CHL1: variants seen among roughly 807,000 people sequenced by gnomAD.
CHL1 encodes the protein neural cell adhesion molecule L1-like protein.
A neutral mutation model predicts 141.9 loss-of-function variants in CHL1; 96 were observed. The observed-to-expected ratio is 0.68, with a 90% CI of 0.57 to 0.80. The LOEUF (loss-of-function observed/expected upper bound fraction) is 0.80, where lower values mean the gene tolerates loss of function less well. Ranked by LOEUF, CHL1 falls within the 30% of genes least tolerant of loss-of-function variation. CHL1 has a pLI of 0.00. For synonymous variants in CHL1, 613 were observed against 502.2 expected, an observed-to-expected ratio of 1.22 and a Z score of -2.95; for missense variants, 1,820 against 1,457.2, an observed-to-expected ratio of 1.25 and a Z score of -4.05.
At chr3:250,005 C>T (rs1334838433) in intron 2 of CHL1, among the ~76,000 whole-genome samples, 1 of 151,776 alleles carries the variant, frequency 6.6e-6, no homozygotes, top group Non-Finnish European at 1.5e-5. Flanking sequence ...CTCACTCTGT[C>T]ACCCAGGTTG....
intron 5 of CHL1, among the ~76,000 whole-genome samples, chr3:339,920 A>T (rs1282014739): frequency 6.6e-6 from 1 of 152,186 alleles, no homozygotes; most frequent in Non-Finnish European, 1.5e-5. Context: ...CCTTCCTAAG[A>T]TCCTTCTCCT....
chr3:242,344 C>G (rs187341935), intron 1 of CHL1, among the ~76,000 whole-genome samples: 1 of 149,652 alleles, frequency 6.7e-6, no homozygotes, highest in Non-Finnish European at 1.5e-5. Flanking sequence ...CGCCTGTAAT[C>G]CCAGCACTTT....
intron 1 of CHL1, among the ~76,000 whole-genome samples, chr3:235,930 C>T (rs1446624178): frequency 6.6e-6 from 1 of 152,130 alleles, no homozygotes; most frequent in African/African-American, 2.4e-5. Context: ...AGAAGAGGGC[C>T]TCTGGCTTCT....
chr3:357,355 A>G (rs1703811413), intron 11 of CHL1, among the ~76,000 whole-genome samples: 1 of 152,248 alleles, frequency 6.6e-6, no homozygotes, highest in African/African-American at 2.4e-5. Context: ...TTTCAAAATT[A>G]AATCAAAATG....
At position 338,309 on chromosome 3, in the gene CHL1, A is replaced by G. The variant is rs1702092581; in HGVS notation, c.386-2485A>G. Among the ~76,000 whole-genome samples the G allele has an allele frequency of 2.6e-5, 4 of 152,282 alleles. No individual in the cohort carries two copies. In the South Asian group the frequency reaches 8.3e-4, roughly 32 times the overall value. ...ATTGGCAAGATAAAGGAGTGTAATT[A>G]CCTCATTTACCGAAAAAAATATTTT... On this transcript the variant is annotated intron_variant, in intron 5 of 27. Coordinates refer to ENST00000256509, the MANE Select transcript of CHL1 (RefSeq NM_006614.4).
rs577976579 is a variant in CHL1 at position 379,140 on chromosome 3, G to C, written c.1876+1198G>C. ...GGGCCACCTGTTAGGTTCCAAACAAGGGAGGTGGTGGTACAGACCAAGGGA... is the reference window on the plus strand; with the variant it reads ...GGGCCACCTGTTAGGTTCCAAACAACGGAGGTGGTGGTACAGACCAAGGGA... On this transcript the variant is annotated intron_variant, in intron 16 of 27. Coordinates refer to ENST00000256509, the MANE Select transcript of CHL1 (RefSeq NM_006614.4). 1.6e-3 allele frequency among the ~76,000 whole-genome samples: 242 copies of C among 152,226 alleles called. 1 individual carries two copies. Among genetic ancestry groups the C allele is most frequent in the African/African-American group, 5.6e-3 (233 of 41,552 alleles).
Position 227,891 on chromosome 3 carries a change from G to A in CHL1, c.-174-16722G>A, listed in dbSNP as rs182768596. ...AAGGAAGCCCAGAAATGCCTGTCAA[G>A]GGAGACTATGAGATGATAACAGCAC... On this transcript the variant is annotated intron_variant, in intron 1 of 27. Coordinates refer to ENST00000256509, the MANE Select transcript of CHL1 (RefSeq NM_006614.4). 5.3e-5 allele frequency among the ~76,000 whole-genome samples: 8 copies of A among 152,298 alleles called. No homozygotes were observed. The East Asian group carries it at 1.4e-3, about 26-fold the overall frequency.
At chr3:384,992 G>C (rs1162876883) in intron 19 of CHL1, among the ~76,000 whole-genome samples, 10 of 152,094 alleles carry the variant, frequency 6.6e-5, no homozygotes, top group Non-Finnish European at 4.4e-5. Flanking sequence ...ACAAGTTTAA[G>C]ATGTGGAAAA....
chr3:253,456 G>C (rs1055183155), intron 2 of CHL1, among the ~76,000 whole-genome samples: 15 of 152,132 alleles, frequency 9.9e-5, no homozygotes, highest in African/African-American at 3.6e-4. Context: ...TGGGTTTCTG[G>C]ATCCAGGGGT....
chr3:306,724 A>G (rs1413259946), intron 2 of CHL1, among the ~76,000 whole-genome samples: 1 of 152,004 alleles, frequency 6.6e-6, no homozygotes, highest in Non-Finnish European at 1.5e-5. Flanking sequence ...AACAGTTATG[A>G]AACAGTATAG....
At chr3:394,034 T>TA (rs1178087943) in intron 23 of CHL1, among the ~76,000 whole-genome samples, 2 of 152,212 alleles carry the variant, frequency 1.3e-5, no homozygotes, top group African/African-American at 4.8e-5. Flanking sequence ...AGTAATCTTA[T>TA]AATACTCCAT....
chr3:348,420 T>A (rs1702949429), intron 9 of CHL1, among the ~76,000 whole-genome samples: 1 of 152,200 alleles, frequency 6.6e-6, no homozygotes, highest in Non-Finnish European at 1.5e-5. Flanking sequence ...AGAACCTGAC[T>A]GGGGAAGAGA....
At chr3:284,378 A>G (rs563096462) in intron 2 of CHL1, among the ~76,000 whole-genome samples, 1 of 152,294 alleles carries the variant, frequency 6.6e-6, no homozygotes, top group South Asian at 2.1e-4. Context: ...GTGCAAAAGG[A>G]TGATCATTTG....
At chr3:397,611 A>T (rs1195697502) in intron 24 of CHL1, among the ~76,000 whole-genome samples, 3 of 152,128 alleles carry the variant, frequency 2.0e-5, no homozygotes, top group Admixed American at 1.3e-4. Flanking sequence ...CTACTATGAG[A>T]TTCTACTATT....
chr3:399,468 C>T (rs946529175), intron 26 of CHL1, among the ~76,000 whole-genome samples: 6 of 152,044 alleles, frequency 3.9e-5, no homozygotes, highest in South Asian at 2.1e-4. Context: ...GATGAAACCC[C>T]GTCTCTACTA....
intron 2 of CHL1, among the ~76,000 whole-genome samples, chr3:251,070 C>T (rs145633731): frequency 5.9e-5 from 9 of 152,022 alleles, no homozygotes; most frequent in African/African-American, 1.5e-4. Flanking sequence ...CTCTAATAAG[C>T]GCCAGAATAT....
chr3:358,069 T>A (rs1703874955), intron 11 of CHL1, among the ~76,000 whole-genome samples: 1 of 152,230 alleles, frequency 6.6e-6, no homozygotes, highest in Non-Finnish European at 1.5e-5. Flanking sequence ...CTAACATTGC[T>A]GTAACAAATT....
At position 338,555 on chromosome 3, in the gene CHL1, A is replaced by G. The variant is rs1013183434; in HGVS notation, c.386-2239A>G. ...TTTTCACTTTTTATCGTGCCATCAA[A>G]CTCACTAAATAGTTTCAGAGTCAAA... On this transcript the variant is annotated intron_variant, in intron 5 of 27. Coordinates refer to ENST00000256509, the MANE Select transcript of CHL1 (RefSeq NM_006614.4). Among the ~76,000 whole-genome samples, 4 of 152,264 alleles carry G rather than the reference A, an allele frequency of 2.6e-5. No individual in the cohort carries two copies. The East Asian group carries it at 7.7e-4, about 29-fold the overall frequency.
chr3:297,238 A>T (rs1698275093), intron 2 of CHL1, among the ~76,000 whole-genome samples: 1 of 152,258 alleles, frequency 6.6e-6, no homozygotes, highest in African/African-American at 2.4e-5. Flanking sequence ...GAAAATAAAT[A>T]AAATAAAATA....
Sources: gnomAD v4.1 joint callset for allele counts (sites outside exome capture counted in the v4.1 genomes callset) on GRCh38, gnomAD v4.1.1 for gene constraint, MANE v1.5 for transcripts, NCBI Gene and HGNC (gene_info 2026-07-23, HGNC 2026-07-21) for gene names.